Variants in EIF4ENIF1 observed in about 807,000 individuals in gnomAD.
The protein encoded by EIF4ENIF1 is eukaryotic translation initiation factor 4E nuclear import factor 1.
In EIF4ENIF1, 23 loss-of-function variants were observed where a neutral mutation model predicts 110.5. The ratio of observed to expected loss-of-function variants is 0.21; its 90% CI spans 0.15 to 0.29. The LOEUF is 0.29. EIF4ENIF1 is among the 10% of genes least tolerant of loss of function. The pLI is 1.00. For missense variants in EIF4ENIF1, 1,031 were observed against 1,221.1 expected (o/e 0.84, Z 2.32); for synonymous variants, 440 against 437.0 (o/e 1.01, Z -0.09).
chr22:31,460,872 G>GA (rs1445427313), intron 6 of EIF4ENIF1, among the ~76,000 whole-genome samples: 1 of 152,156 alleles, frequency 6.6e-6, no homozygotes, highest in African/African-American at 2.4e-5. Context: ...CGTGAACCCG[G>GA]AGGCGGAGTT....
intron 16 of EIF4ENIF1, 94 bp from the exon 17 acceptor site, chr22:31,442,212 A>G: frequency 1.0e-6 from 1 of 977,342 alleles, no homozygotes; most frequent in Middle Eastern, 2.5e-4. Flanking sequence ...TTAAGGTCAC[A>G]ATTCTTATCT....
intron 7 of EIF4ENIF1, among the ~76,000 whole-genome samples, chr22:31,456,287 G>GAT (rs1569078820): frequency 6.9e-6 from 1 of 145,216 alleles, no homozygotes; most frequent in Non-Finnish European, 1.5e-5. Flanking sequence ...GCAGTGGCAC[G>GAT]ATCTCGGCTC....
rs773059638 is a variant in EIF4ENIF1, at chr22:31,458,642, C to G, written c.796G>C (p.Glu266Gln). The G allele has an allele frequency of 1.9e-6, 3 of 1,581,222 alleles. No homozygotes were observed. The Admixed American group carries it at 5.2e-5, about 27-fold the overall frequency. ...TCTTCGGCCACTCCTCCATTGCACT[C>G]TACTATACCTGAAAGCAAAACCAGG... ...RTASVKEGIVECNGGVAEEDE... is the reference protein window; with the variant it reads ...RTASVKEGIVQCNGGVAEEDE... The change falls in exon 7 of 19, where the codon GAG (glutamate) becomes CAG (glutamine). Residue 266 changes from glutamate to glutamine, a missense_variant. Around this residue, in one of 3 missense-constraint regions of EIF4ENIF1, gnomAD observed 704 missense variants for 879.7 expected, o/e 0.80. Coordinates refer to ENST00000330125, the MANE Select transcript of EIF4ENIF1 (RefSeq NM_019843.4).
chr22:31,478,718 G>C (rs2051690019), intron 2 of EIF4ENIF1, among the ~76,000 whole-genome samples: 1 of 149,966 alleles, frequency 6.7e-6, no homozygotes, highest in East Asian at 2.0e-4. Flanking sequence ...TTGGGAGGCT[G>C]AGGCGGGCGG....
chr22:31,470,038 C>T lies in EIF4ENIF1; in HGVS notation c.171-1736G>A, dbSNP rs372179684. 3.6e-4 allele frequency among the ~76,000 whole-genome samples: 54 copies of T among 151,544 alleles called. 1 individual carries two copies. The East Asian group carries it at 9.5e-3, about 27-fold the overall frequency. On this transcript the variant is annotated intron_variant, in intron 3 of 18. Coordinates refer to ENST00000330125, the MANE Select transcript of EIF4ENIF1 (RefSeq NM_019843.4). Reference sequence around the variant, plus strand: ...AATTAGCCAGGTGTGGTGGTGGGTGCCTGTAATCCCAACTACTCGGGAGGC... The same window carrying T: ...AATTAGCCAGGTGTGGTGGTGGGTGTCTGTAATCCCAACTACTCGGGAGGC...
chr22:31,479,084 ATTT>A (rs745430447), intron 2 of EIF4ENIF1, among the ~76,000 whole-genome samples: 1 of 144,366 alleles, frequency 6.9e-6, no homozygotes, highest in South Asian at 2.2e-4. Flanking sequence ...CTCGAAAGAA[ATTT>A]TTTTTTTTTT....
rs781605018 is a variant in EIF4ENIF1 at position 31,439,871 on chromosome 22, C to T, written c.*9G>A. 36 of 1,611,704 alleles carry T rather than the reference C, an allele frequency of 2.2e-5. No individual in the cohort carries two copies. Among genetic ancestry groups the T allele is most frequent in the Non-Finnish European group, 3.4e-6 (4 of 1,179,950 alleles). ...CAGGTCCGGGCTTAGTTGAGTCTGC[C>T]TGCCCTGCTCACTGTCGGTATTCCA... On this transcript the variant is annotated 3_prime_UTR_variant, in exon 19 of 19. Transcript: ENST00000330125.
chr22:31,438,108 C>T, downstream of EIF4ENIF1, among the ~76,000 whole-genome samples: 1 of 152,162 alleles, frequency 6.6e-6, no homozygotes, highest in Admixed American at 6.5e-5. Context: ...ACTCTACTAC[C>T]CTTGTAGTCA....
chr22:31,458,667 G>A lies in EIF4ENIF1; in HGVS notation c.788-17C>T, dbSNP rs1410798521. 1 of 1,558,292 alleles carries A rather than the reference G, an allele frequency of 6.4e-7. No homozygotes were observed. Among genetic ancestry groups the A allele is most frequent in the South Asian group, 1.2e-5 (1 of 85,824 alleles). ...CTACTATACCTGAAAGCAAAACCAG[G>A]ACAAAAACCGTCTGATAAGTAAATC... is the stretch of plus-strand genomic sequence containing the variant. On this transcript the variant is annotated splice_polypyrimidine_tract_variant and intron_variant, in intron 6 of 18. Coordinates refer to ENST00000330125, the MANE Select transcript of EIF4ENIF1 (RefSeq NM_019843.4).
chr22:31,437,100 T>C (rs1051207994), downstream of EIF4ENIF1: 2 of 152,350 alleles, frequency 1.3e-5, no homozygotes, highest in African/African-American at 2.4e-5. Flanking sequence ...AGCTGCACTC[T>C]CTGTTCACTT....
chr22:31,473,505 T>C (rs2051461850), intron 2 of EIF4ENIF1, among the ~76,000 whole-genome samples: 1 of 152,232 alleles, frequency 6.6e-6, no homozygotes, highest in Non-Finnish European at 1.5e-5. Context: ...TGTATCTCTT[T>C]GGTCTCCCTT....
chr22:31,493,389 C>T (rs1157887862), upstream of EIF4ENIF1, among the ~76,000 whole-genome samples: 1 of 151,986 alleles, frequency 6.6e-6, no homozygotes, highest in Non-Finnish European at 1.5e-5. Flanking sequence ...AGTGCAGTGG[C>T]ACAATCGGCT....
In EIF4ENIF1 at chr22:31,458,600, T is replaced by C. The variant is rs1158124694; in HGVS notation, c.838A>G (p.Ile280Val). ...GVAEEDEVEVILAQEPAADQE... is the reference protein window; with the variant it reads ...GVAEEDEVEVVLAQEPAADQE... ...TCAGCCGCAGGCTCCTGTGCAAGGA[T>C]GACCTCCACTTCATCCTCTTCGGCC... Residue 280 changes from isoleucine to valine, a missense_variant, in exon 7 of 19, where the codon ATC becomes GTC. By Grantham distance (29) the Ile-to-Val change is conservative. Around this residue, in one of 3 missense-constraint regions of EIF4ENIF1, gnomAD observed 704 missense variants for 879.7 expected, o/e 0.80. Transcript: ENST00000330125. 4.3e-6 allele frequency: 7 copies of C among 1,612,878 alleles called. No individual in the cohort carries two copies. Among genetic ancestry groups the C allele is most frequent in the Non-Finnish European group, 5.9e-6 (7 of 1,179,258 alleles).
At chr22:31,443,336 C>T (rs2050362330) in intron 15 of EIF4ENIF1, 3 of 388,472 alleles carry the variant, frequency 7.7e-6, no homozygotes, top group South Asian at 5.5e-5. Flanking sequence ...GCAGCCTCTG[C>T]GTCACAGATT....
chr22:31,450,783 CACATATACACATAT>C (rs1569073011), intron 10 of EIF4ENIF1: 15 of 225,932 alleles, frequency 6.6e-5, no homozygotes, highest in Non-Finnish European at 8.9e-6. Context: ...TATATACACA[CACATATACACATAT>C]ACATACACAT....
intron 5 of EIF4ENIF1, 40 bp from the exon 6 acceptor site, chr22:31,463,173 C>A (rs781255062): frequency 2.5e-6 from 4 of 1,587,174 alleles, no homozygotes; most frequent in South Asian, 1.1e-5. Flanking sequence ...AATTTCTAGT[C>A]AAGCCATTTC....
chr22:31,448,088 A>T, intron 13 of EIF4ENIF1, 65 bp downstream of exon 13: 1 of 1,556,198 alleles, frequency 6.4e-7, no homozygotes, highest in Non-Finnish European at 8.9e-7. Flanking sequence ...TCAGCTCTCC[A>T]CTCCCCATGC....
chr22:31,485,402 G>A (rs757138336), intron 2 of EIF4ENIF1, among the ~76,000 whole-genome samples: 4 of 152,122 alleles, frequency 2.6e-5, no homozygotes, highest in Non-Finnish European at 5.9e-5. Flanking sequence ...CCCTAAAAAT[G>A]ATGTAAGCAT....
At chr22:31,474,406 T>C (rs1200515339) in intron 2 of EIF4ENIF1, among the ~76,000 whole-genome samples, 1 of 152,094 alleles carries the variant, frequency 6.6e-6, no homozygotes, top group Non-Finnish European at 1.5e-5. Context: ...ATGTCCTCAA[T>C]TATGTGGCGC....
Sources: gnomAD v4.1 joint callset for allele counts (sites outside exome capture counted in the v4.1 genomes callset) on GRCh38, gnomAD v4.1.1 for gene constraint, gnomAD v4.1.1 regional missense constraint, MANE v1.5 for transcripts, NCBI Gene and HGNC (gene_info 2026-07-23, HGNC 2026-07-21) for gene names.